Variants in CHFR observed in about 807,000 individuals in gnomAD.
The protein encoded by CHFR is checkpoint with forkhead and ring finger domains.
A neutral mutation model predicts 87.6 loss-of-function variants in CHFR; 57 were observed. The observed-to-expected ratio is 0.65, with a 90% CI of 0.53 to 0.81. CHFR has a LOEUF of 0.81. CHFR is among the 30% of genes least tolerant of loss of function. The probability of loss-of-function intolerance (pLI) is 0.00; values close to 1 mark genes in which losing one functional copy is unlikely to be tolerated. For synonymous variants in CHFR, 381 were observed against 359.2 expected (o/e 1.06, Z -0.69); for missense variants, 797 against 865.8 (o/e 0.92, Z 1.00).
intron 8 of CHFR, among the ~76,000 whole-genome samples, chr12:132,857,999 C>G: frequency 6.6e-6 from 1 of 152,350 alleles, no homozygotes; most frequent in East Asian, 1.9e-4. Context: ...ACACTCAAAA[C>G]TTGTGGGGTC....
rs1178184159 is a variant in CHFR, at chr12:132,832,579, C to T, written c.*8975G>A. On this transcript the variant is annotated 3_prime_UTR_variant, in exon 18 of 18. Coordinates refer to ENST00000450056, the MANE Select transcript of CHFR (RefSeq NM_001161346.2). ...ATGTCTGTATTAAAATATCAAGGTA[C>T]TCCATAAATATATACACCTTTTATG... is the stretch of plus-strand genomic sequence containing the variant. 2.0e-5 allele frequency: 3 copies of T among 152,038 alleles called. No individual in the cohort carries two copies. The highest frequency in any genetic ancestry group is 2.9e-5 in the Non-Finnish European group (2 of 68,020). The allele number at this position is 152,038 out of a possible 1,614,324, so 9.4% of individuals were successfully genotyped here.
At chr12:132,844,627 A>C (rs79216723) in intron 15 of CHFR, among the ~76,000 whole-genome samples, 30,892 of 148,870 alleles carry the variant, frequency 0.21, 4,060 homozygotes, top group Non-Finnish European at 0.3. Context: ...CGTGGATATA[A>C]CATTTATTTT....
chr12:132,861,250 G>C (rs1951203477), intron 7 of CHFR, among the ~76,000 whole-genome samples: 1 of 152,166 alleles, frequency 6.6e-6, no homozygotes, highest in Non-Finnish European at 1.5e-5. Flanking sequence ...AGAACAGCCT[G>C]TAGCAAATCA....
intron 2 of CHFR, among the ~76,000 whole-genome samples, chr12:132,880,615 G>A (rs535072913): frequency 1.3e-5 from 2 of 151,444 alleles, no homozygotes; most frequent in South Asian, 2.1e-4. Context: ...CCAAGATGGT[G>A]CCACTGCACT....
intron 2 of CHFR, 110 bp from the exon 3 acceptor site, chr12:132,877,764 T>C (rs1951662556): frequency 1.8e-6 from 1 of 558,608 alleles, no homozygotes; most frequent in Non-Finnish European, 3.0e-6. Context: ...CCATTGTACA[T>C]ATGTAAAAAA....
intron 2 of CHFR, among the ~76,000 whole-genome samples, chr12:132,881,221 T>C (rs2137062448): frequency 6.7e-6 from 1 of 149,300 alleles, no homozygotes; most frequent in African/African-American, 2.5e-5. Flanking sequence ...ATCGTGCCAC[T>C]GCACTCCAGC....
intron 5 of CHFR, among the ~76,000 whole-genome samples, chr12:132,870,153 C>A (rs1240397757): frequency 6.6e-6 from 1 of 151,704 alleles, no homozygotes; most frequent in Non-Finnish European, 1.5e-5. Flanking sequence ...GAGATCGAGG[C>A]CAACCTGGCT....
chr12:132,848,902 A>G, intron 12 of CHFR, 178 bp from the exon 13 acceptor site: 1 of 564,306 alleles, frequency 1.8e-6, no homozygotes, highest in Non-Finnish European at 3.2e-6. Flanking sequence ...ATGGACTGTG[A>G]TGGCGAGGAG....
At chr12:132,847,644 G>A in intron 14 of CHFR, 5 of 1,082,494 alleles carry the variant, frequency 4.6e-6, no homozygotes, top group Non-Finnish European at 5.6e-6. Flanking sequence ...TCGGCAGGAG[G>A]GCGAATGCGC....
At chr12:132,856,668 G>A in intron 9 of CHFR, 38 bp from the exon 10 acceptor site, 2 of 1,605,558 alleles carry the variant, frequency 1.2e-6, no homozygotes, top group Non-Finnish European at 1.7e-6. Flanking sequence ...CACCGGCAGT[G>A]AGACATGGCA....
chr12:132,865,302 A>G (rs1482426294), intron 6 of CHFR, among the ~76,000 whole-genome samples: 1 of 152,188 alleles, frequency 6.6e-6, no homozygotes, highest in African/African-American at 2.4e-5. Flanking sequence ...AAGGGTACAC[A>G]GCCCAAGAGA....
Position 132,861,509 on chromosome 12 carries a change from C to G in CHFR, c.709G>C (p.Asp237His), listed in dbSNP as rs147803776. The G allele has an allele frequency of 6.2e-7, 1 of 1,614,190 alleles. No homozygotes were observed. Among genetic ancestry groups the G allele is most frequent in the Admixed American group, 1.7e-5 (1 of 60,020 alleles). ...TASFSSLEPQDQEDLEPVKKK... is the reference protein window; with the variant it reads ...TASFSSLEPQHQEDLEPVKKK... ...TTCACGGGCTCCAAATCCTCCTGATCCTGGGGTTCCAACGACGAAAAGGAC... is the reference window on the plus strand; with the variant it reads ...TTCACGGGCTCCAAATCCTCCTGATGCTGGGGTTCCAACGACGAAAAGGAC... Residue 237 changes from aspartate to histidine, a missense_variant, in exon 7 of 18, where the codon GAT becomes CAT. Asp to His is a moderately conservative substitution (Grantham distance 81, BLOSUM62 -1). Coordinates refer to ENST00000450056, the MANE Select transcript of CHFR (RefSeq NM_001161346.2).
At chr12:132,851,054 G>C (rs975330411) in intron 12 of CHFR, among the ~76,000 whole-genome samples, 1 of 150,310 alleles carries the variant, frequency 6.7e-6, no homozygotes, top group African/African-American at 2.5e-5. Flanking sequence ...ACAGTGGCAC[G>C]ATCTCAGCTC....
chr12:132,836,994 C>G lies in CHFR; in HGVS notation c.*4560G>C. ...GATAGTGACAGGTGCTGGGGGGAAACTAGACTGGCTGGCGGGGTGGGGGCA... is the reference window on the plus strand; with the variant it reads ...GATAGTGACAGGTGCTGGGGGGAAAGTAGACTGGCTGGCGGGGTGGGGGCA... On this transcript the variant is annotated 3_prime_UTR_variant, in exon 18 of 18. Transcript: ENST00000450056. 1 of 355,962 alleles carries G rather than the reference C, an allele frequency of 2.8e-6. No homozygotes were observed. Among genetic ancestry groups the G allele is most frequent in the Non-Finnish European group, 5.5e-6 (1 of 181,170 alleles). The allele number at this position is 355,962 out of a possible 1,614,324, so 22.1% of individuals were successfully genotyped here.
intron 3 of CHFR, among the ~76,000 whole-genome samples, chr12:132,873,743 G>A (rs1404644820): frequency 1.3e-5 from 2 of 152,172 alleles, no homozygotes; most frequent in East Asian, 1.9e-4. Flanking sequence ...GGGCTAGAGT[G>A]TGCACGGACT....
At chr12:132,848,386 C>G (rs976309352) in intron 13 of CHFR, 1 of 802,162 alleles carries the variant, frequency 1.2e-6, no homozygotes, top group Non-Finnish European at 2.0e-6. Flanking sequence ...GTCTTGGTAT[C>G]GTAACAGCAG....
chr12:132,863,541 A>C (rs1056455102), intron 6 of CHFR, among the ~76,000 whole-genome samples: 1 of 152,126 alleles, frequency 6.6e-6, no homozygotes, highest in Non-Finnish European at 1.5e-5. Context: ...ACAAACAAAA[A>C]AAAACAGAAG....
At chr12:132,847,376 G>GCGA in intron 14 of CHFR, 2 of 1,189,264 alleles carry the variant, frequency 1.7e-6, no homozygotes, top group Non-Finnish European at 2.1e-6. Flanking sequence ...CAAAAGTTCT[G>GCGA]CCAAGACCTA....
At position 132,847,183 on chromosome 12, in the gene CHFR, A is replaced by C; in HGVS notation, c.1648-53T>G. 17 of 1,606,876 alleles carry C rather than the reference A, an allele frequency of 1.1e-5. 1 individual carries two copies. Among genetic ancestry groups the C allele is most frequent in the Non-Finnish European group, 1.0e-5 (12 of 1,175,362 alleles). ...GAAATACTCGTTTAGAGGAAGAAACACTGAAATAACGAGAGAAAACATTTC... is the reference window on the plus strand; with the variant it reads ...GAAATACTCGTTTAGAGGAAGAAACCCTGAAATAACGAGAGAAAACATTTC... On this transcript the variant is annotated intron_variant, in intron 14 of 17. Coordinates refer to ENST00000450056, the MANE Select transcript of CHFR (RefSeq NM_001161346.2).
Sources: gnomAD v4.1 joint callset for allele counts (sites outside exome capture counted in the v4.1 genomes callset) on GRCh38, gnomAD v4.1.1 for gene constraint, MANE v1.5 for transcripts, NCBI Gene and HGNC (gene_info 2026-07-23, HGNC 2026-07-21) for gene names.